GNAL: variants seen among roughly 807,000 people sequenced by gnomAD.
GNAL encodes guanine nucleotide-binding protein G(olf) subunit alpha.
In GNAL, 18 loss-of-function variants were observed where a neutral mutation model predicts 55.1. The ratio of observed to expected loss-of-function variants is 0.33; its 90% confidence interval spans 0.23 to 0.48. GNAL has a LOEUF of 0.48. Ranked by LOEUF, GNAL falls within the 20% of genes least tolerant of loss-of-function variation. GNAL has a pLI of 0.99. For synonymous variants in GNAL, 253 were observed against 237.0 expected (o/e 1.07, Z -0.62); for missense variants, 412 against 614.1 (o/e 0.67, Z 3.48).
intron 1 of GNAL, among the ~76,000 whole-genome samples, chr18:11,714,490 G>T (rs146180747): frequency 1.3e-5 from 2 of 152,160 alleles, no homozygotes; most frequent in East Asian, 3.9e-4. Flanking sequence ...TTTGTCTCAC[G>T]CTCAGTAAAT....
At chr18:11,698,196 G>A (rs2031466925) in intron 1 of GNAL, among the ~76,000 whole-genome samples, 1 of 152,142 alleles carries the variant, frequency 6.6e-6, no homozygotes. Context: ...GGAGCTCAGG[G>A]ATAAAGAGGG....
intron 4 of GNAL, among the ~76,000 whole-genome samples, chr18:11,774,940 C>G (rs1482727296): frequency 6.6e-6 from 1 of 152,234 alleles, no homozygotes; most frequent in Admixed American, 6.5e-5. Flanking sequence ...CATGAGCCAT[C>G]TATCTGGAGA....
chr18:11,811,161 C>G (rs1168956528), intron 4 of GNAL, among the ~76,000 whole-genome samples: 1 of 152,164 alleles, frequency 6.6e-6, no homozygotes, highest in Non-Finnish European at 1.5e-5. Flanking sequence ...GGGTGCCTTC[C>G]TTGCACCCAA....
chr18:11,788,914 A>AAAAAAAAAAAAAAAATATATAT (rs60071996), intron 4 of GNAL, among the ~76,000 whole-genome samples: 1 of 56,298 alleles, frequency 1.8e-5, no homozygotes, highest in African/African-American at 1.0e-4. Context: ...AAAAAAAAAA[A>AAAAAAAAAAAAAAAATATATAT]ATATATATAT....
At chr18:11,880,396 C>A (rs34051500) in intron 11 of GNAL, among the ~76,000 whole-genome samples, 4 of 151,824 alleles carry the variant, frequency 2.6e-5, no homozygotes, top group African/African-American at 7.3e-5. Context: ...TGGTGACACC[C>A]CGTCTCTACT....
chr18:11,744,312 T>C (rs935343717), intron 1 of GNAL, among the ~76,000 whole-genome samples: 10 of 152,318 alleles, frequency 6.6e-5, no homozygotes, highest in Admixed American at 3.3e-4. Context: ...AGATAAATTA[T>C]TTCAATACAT....
intron 4 of GNAL, among the ~76,000 whole-genome samples, chr18:11,803,434 T>C (rs2143519476): frequency 6.6e-6 from 1 of 152,382 alleles, no homozygotes; most frequent in East Asian, 1.9e-4. Context: ...CTCCATTGTG[T>C]GTCTAGACTG....
intron 1 of GNAL, among the ~76,000 whole-genome samples, chr18:11,696,460 A>G (rs543353107): frequency 2.0e-5 from 3 of 151,536 alleles, no homozygotes; most frequent in South Asian, 4.2e-4. Flanking sequence ...AGCCGAGATC[A>G]TGCCACTGCA....
chr18:11,733,040 G>A (rs953679259), intron 1 of GNAL, among the ~76,000 whole-genome samples: 1 of 152,264 alleles, frequency 6.6e-6, no homozygotes, highest in Non-Finnish European at 1.5e-5. Context: ...TTGCTTGGAA[G>A]GAAGTAGTGT....
intron 5 of GNAL, among the ~76,000 whole-genome samples, chr18:11,859,597 G>A (rs1182991509): frequency 2.0e-5 from 3 of 152,082 alleles, no homozygotes; most frequent in Non-Finnish European, 4.4e-5. Context: ...CACACCCTTG[G>A]CCAACTCACC....
chr18:11,694,437 A>G (rs2031348118), intron 1 of GNAL, among the ~76,000 whole-genome samples: 1 of 152,174 alleles, frequency 6.6e-6, no homozygotes, highest in African/African-American at 2.4e-5. Context: ...AGAATCTGGG[A>G]GCCACTGTGA....
Position 11,880,349 on chromosome 18 carries a change from ACT to A in GNAL, c.1231-639_1231-638del, listed in dbSNP as rs368675526. On this transcript the variant is annotated intron_variant, in intron 11 of 11. Coordinates refer to ENST00000334049, the MANE Select transcript of GNAL (RefSeq NM_182978.4). ...TTTGGGAGGCCGAGGTGGGCGGATC[ACT>A]TGAGGTCAGGAGTTTGAGACCAGCC... 5.3e-3 allele frequency among the ~76,000 whole-genome samples: 762 copies of A among 143,952 alleles called. 13 individuals carry two copies. The East Asian group carries it at 0.066, about 12-fold the overall frequency. 94.4% of individuals were successfully genotyped at this position (143,952 alleles called of 152,430 possible).
At chr18:11,783,890 A>G (rs1463490005) in intron 4 of GNAL, among the ~76,000 whole-genome samples, 1 of 152,190 alleles carries the variant, frequency 6.6e-6, no homozygotes, top group East Asian at 1.9e-4. Context: ...TGCAGAGAAT[A>G]TGGAGAAAGG....
chr18:11,846,167 TA>T (rs753928108), intron 5 of GNAL, among the ~76,000 whole-genome samples: 11 of 152,006 alleles, frequency 7.2e-5, no homozygotes, highest in Non-Finnish European at 1.3e-4. Context: ...CTCAAAGTGG[TA>T]AGTTGTTCAG....
At chr18:11,704,005 A>T (rs1383433259) in intron 1 of GNAL, among the ~76,000 whole-genome samples, 2 of 152,180 alleles carry the variant, frequency 1.3e-5, no homozygotes. Flanking sequence ...TCCTAACTTC[A>T]AATAGGATAA....
intron 10 of GNAL, among the ~76,000 whole-genome samples, chr18:11,876,184 AAATTACATGTTTGGC>A (rs1263814200): frequency 1.3e-5 from 2 of 152,222 alleles, no homozygotes; most frequent in Non-Finnish European, 2.9e-5. Flanking sequence ...AGGGCAATGA[AAATTACATGTTTGGC>A]TGGGCGCAGT....
At chr18:11,736,318 CCACGTG>C (rs1198002108) in intron 1 of GNAL, among the ~76,000 whole-genome samples, 19 of 152,130 alleles carry the variant, frequency 1.2e-4, no homozygotes, top group Non-Finnish European at 2.4e-4. Context: ...TCACTTGAAC[CCACGTG>C]TTAGAGGCTG....
intron 1 of GNAL, among the ~76,000 whole-genome samples, chr18:11,717,509 C>T (rs1195990113): frequency 6.6e-6 from 1 of 152,224 alleles, no homozygotes; most frequent in Non-Finnish European, 1.5e-5. Context: ...CATTGCAGCA[C>T]TGTTCAAAAT....
intron 5 of GNAL, among the ~76,000 whole-genome samples, chr18:11,862,165 A>C (rs2036160913): frequency 6.6e-6 from 1 of 152,026 alleles, no homozygotes; most frequent in South Asian, 2.1e-4. Flanking sequence ...AGGGGAGAGA[A>C]GGCAACATTA....
Sources: gnomAD v4.1 joint callset for allele counts (sites outside exome capture counted in the v4.1 genomes callset) on GRCh38, gnomAD v4.1.1 for gene constraint, MANE v1.5 for transcripts, NCBI Gene and HGNC (gene_info 2026-07-23, HGNC 2026-07-21) for gene names.